Variants in CFAP57 observed in about 807,000 individuals in gnomAD.
CFAP57 encodes the protein cilia and flagella associated protein 57, also known as cilia- and flagella-associated protein 57.
In CFAP57, 116 loss-of-function variants were observed where a neutral mutation model predicts 146.8. The observed-to-expected ratio is 0.79, with a 90% confidence interval of 0.68 to 0.92. The LOEUF (loss-of-function observed/expected upper bound fraction) is 0.92. Among genes scored for constraint, CFAP57 ranks in the 40% least tolerant of loss-of-function variants. The probability of loss-of-function intolerance (pLI) is 0.00; values close to 1 mark genes in which losing one functional copy is unlikely to be tolerated. For missense variants in CFAP57, 1,377 were observed against 1,527.2 expected (o/e 0.90, Z 1.64); for synonymous variants, 518 against 552.8 (o/e 0.94, Z 0.88).
chr1:43,181,951 T>C, intron 3 of CFAP57, 101 bp downstream of exon 3: 1 of 1,347,794 alleles, frequency 7.4e-7, no homozygotes, highest in Admixed American at 1.9e-5. Context: ...CTCCATGCAT[T>C]TTAAAATTTA....
chr1:43,197,641 T>G lies in CFAP57; in HGVS notation c.1211T>G (p.Ile404Arg). The G allele has an allele frequency of 5.0e-6, 8 of 1,614,128 alleles. No individual in the cohort carries two copies. Among genetic ancestry groups the G allele is most frequent in the Non-Finnish European group, 5.9e-6 (7 of 1,180,030 alleles). The change falls in exon 7 of 23, where the codon ATA becomes AGA. Residue 404 changes from isoleucine (I) to arginine (R), a missense_variant. Physicochemically the swap from Ile to Arg is moderately conservative, Grantham distance 97. Transcript: ENST00000372492. ...GLATCIRKPL[I>R]ATCSLDRSIR... ...GCTACCTGCATCCGCAAACCCCTTA[T>G]AGCCACCTGTTCTCTGGATCGATCC...
intron 9 of CFAP57, chr1:43,206,485 C>A: frequency 3.6e-6 from 2 of 554,236 alleles, no homozygotes; most frequent in South Asian, 2.3e-5. Flanking sequence ...TCAGTCTTTA[C>A]GTTCATAAAG....
chr1:43,183,467 G>T, intron 3 of CFAP57, 124 bp from the exon 4 acceptor site: 1 of 871,936 alleles, frequency 1.1e-6, no homozygotes, highest in Non-Finnish European at 1.8e-6. Flanking sequence ...AAAGTTACAT[G>T]ATTTTGTGAT....
chr1:43,194,230 G>T (rs541117059), intron 6 of CFAP57, among the ~76,000 whole-genome samples: 1 of 151,736 alleles, frequency 6.6e-6, no homozygotes, highest in South Asian at 2.1e-4. Context: ...ATTTTTGTTT[G>T]ACAGCTTTTT....
At chr1:43,231,935 T>C in intron 18 of CFAP57, 1 of 501,516 alleles carries the variant, frequency 2.0e-6, no homozygotes, top group Non-Finnish European at 3.5e-6. Flanking sequence ...ACAGGACACT[T>C]CTCAGTTGTA....
intron 22 of CFAP57, among the ~76,000 whole-genome samples, chr1:43,246,719 A>G (rs2124677856): frequency 6.6e-6 from 1 of 152,368 alleles, no homozygotes; most frequent in African/African-American, 2.4e-5. Flanking sequence ...GCAGGCATGT[A>G]TGTGAGATTT....
chr1:43,191,938 T>C (rs1411658003), intron 6 of CFAP57, among the ~76,000 whole-genome samples: 2 of 152,116 alleles, frequency 1.3e-5, no homozygotes, highest in African/African-American at 2.4e-5. Flanking sequence ...ATGTTATGTC[T>C]TTATTTTCAT....
chr1:43,200,899 C>G (rs1258006854), intron 9 of CFAP57, among the ~76,000 whole-genome samples: 5 of 152,166 alleles, frequency 3.3e-5, no homozygotes, highest in Non-Finnish European at 7.3e-5. Context: ...AGAAAGGTAA[C>G]TCTCTGAACA....
chr1:43,210,521 AC>A, intron 11 of CFAP57: 2 of 658,272 alleles, frequency 3.0e-6, no homozygotes, highest in Non-Finnish European at 3.9e-6. Context: ...GCAATGTGCT[AC>A]CACATGGATG....
intron 12 of CFAP57, among the ~76,000 whole-genome samples, chr1:43,217,849 C>T (rs1157662339): frequency 6.6e-6 from 1 of 151,520 alleles, no homozygotes; most frequent in Non-Finnish European, 1.5e-5. Flanking sequence ...CCTTTGGAAG[C>T]CCTCTAAGAT....
Position 43,234,573 on chromosome 1 carries a change from A to C in CFAP57, c.3340A>C (p.Thr1114Pro), listed in dbSNP as rs1481527046. The change falls in exon 21 of 23, where the codon ACT becomes CCT. Residue 1114 changes from threonine to proline, a missense_variant. Thr to Pro is a conservative substitution (Grantham distance 38). Coordinates refer to ENST00000372492, the MANE Select transcript of CFAP57 (RefSeq NM_001378189.1). ...QREHLERNLA[T>P]LKKKVVKEGE... Reference sequence around the variant, plus strand: ...GGAGCACCTGGAGAGGAACCTGGCCACTCTCAAGAAGAAGGTGGTCAAGGA... The same window carrying C: ...GGAGCACCTGGAGAGGAACCTGGCCCCTCTCAAGAAGAAGGTGGTCAAGGA... 4 of 1,550,234 alleles carry C rather than the reference A, an allele frequency of 2.6e-6. No homozygotes were observed. Among genetic ancestry groups the C allele is most frequent in the Non-Finnish European group, 3.5e-6 (4 of 1,146,946 alleles).
intron 18 of CFAP57, among the ~76,000 whole-genome samples, chr1:43,227,649 C>G (rs78847113): frequency 6.6e-6 from 1 of 152,082 alleles, no homozygotes; most frequent in East Asian, 1.9e-4. Context: ...GGTAGAGAGG[C>G]GAGATTAGAA....
intron 22 of CFAP57, among the ~76,000 whole-genome samples, chr1:43,249,065 T>G (rs895527945): frequency 3.3e-5 from 5 of 149,458 alleles, no homozygotes; most frequent in African/African-American, 1.2e-4. Context: ...TTTTTTTTTT[T>G]TTGTATTTTT....
intron 22 of CFAP57, among the ~76,000 whole-genome samples, chr1:43,251,356 A>G (rs905977664): frequency 8.5e-5 from 13 of 152,200 alleles, no homozygotes. Context: ...GAAATATTAC[A>G]TGGGTAAGAA....
intron 17 of CFAP57, among the ~76,000 whole-genome samples, chr1:43,225,373 C>T (rs1456578721): frequency 6.6e-6 from 1 of 152,214 alleles, no homozygotes; most frequent in Non-Finnish European, 1.5e-5. Flanking sequence ...TGGTCTGTCT[C>T]AACGAATCAA....
chr1:43,178,949 G>A (rs1037100735), intron 2 of CFAP57, among the ~76,000 whole-genome samples: 6 of 152,148 alleles, frequency 3.9e-5, no homozygotes, highest in African/African-American at 1.4e-4. Flanking sequence ...GGAATACTAT[G>A]CAGCCATAAA....
In CFAP57 at chr1:43,198,659, C is replaced by A. The variant is rs201789494; in HGVS notation, c.1428+13C>A. On this transcript the variant is annotated intron_variant, in intron 8 of 22. Coordinates refer to ENST00000372492, the MANE Select transcript of CFAP57 (RefSeq NM_001378189.1). ...AGGATGCGGAGAGGTAAAAAAAAAACTGCTGAAGACAAAAGTCCAGTTTCT... is the reference window on the plus strand; with the variant it reads ...AGGATGCGGAGAGGTAAAAAAAAAAATGCTGAAGACAAAAGTCCAGTTTCT... The A allele has an allele frequency of 1.2e-6, 2 of 1,602,938 alleles. No individual in the cohort carries two copies. The highest frequency in any genetic ancestry group is 1.7e-6 in the Non-Finnish European group (2 of 1,172,168).
intron 14 of CFAP57, 42 bp from the exon 15 acceptor site, chr1:43,222,063 T>A: frequency 6.7e-7 from 1 of 1,500,900 alleles, no homozygotes; most frequent in Non-Finnish European, 8.9e-7. Context: ...CTGAAGCAAG[T>A]GCTGCTCTCC....
rs1645771241 is a variant in CFAP57, at chr1:43,238,075, G to C, written c.3405+3437G>C. On this transcript the variant is annotated intron_variant, in intron 21 of 22. Coordinates refer to ENST00000372492, the MANE Select transcript of CFAP57 (RefSeq NM_001378189.1). This position sits in a 1 kb window ranked among gnomAD's most constrained non-coding sequence, Gnocchi z 4.3. ...AAATAGAAATGTCAGGTTAGACATG[G>C]GAGGAAGGTTGAAAGAACGGAGAAG... Among the ~76,000 whole-genome samples, 1 of 152,204 alleles carries C rather than the reference G, an allele frequency of 6.6e-6. No individual in the cohort carries two copies.
Sources: gnomAD v4.1 joint callset for allele counts (sites outside exome capture counted in the v4.1 genomes callset) on GRCh38, gnomAD v4.1.1 for gene constraint, Gnocchi (gnomAD v3.1) non-coding constraint, MANE v1.5 for transcripts, NCBI Gene and HGNC (gene_info 2026-07-23, HGNC 2026-07-21) for gene names.